Variants in TMCO5A observed in about 807,000 individuals in gnomAD.
TMCO5A encodes transmembrane and coiled-coil domain-containing protein 5A.
TMCO5A carries 34 observed loss-of-function variants against 42.3 expected under a neutral mutation model. The ratio of observed to expected loss-of-function variants is 0.80; its 90% CI spans 0.61 to 1.07. The LOEUF (loss-of-function observed/expected upper bound fraction) is 1.07. Among genes scored for constraint, TMCO5A ranks in the 50% least tolerant of loss-of-function variants. TMCO5A has a pLI of 0.00. For synonymous variants in TMCO5A, 131 were observed against 115.6 expected (o/e 1.13, Z -0.86); for missense variants, 357 against 327.9 (o/e 1.09, Z -0.69).
chr15:38,029,613 C>A, the TMCO5A span, among the ~76,000 whole-genome samples: 1 of 152,130 alleles, frequency 6.6e-6, no homozygotes. Flanking sequence ...GCATGCACTA[C>A]CATCCTTGGC....
intron 6 of TMCO5A, 127 bp from the exon 7 acceptor site, chr15:37,941,022 T>C (rs1021796): frequency 0.49 from 368,901 of 752,678 alleles, 92,782 homozygotes; most frequent in Admixed American, 0.59. Flanking sequence ...TTAATTCCTC[T>C]ATCAGGAGAC....
chr15:38,024,841 A>G, the TMCO5A span: 152,260 of 152,362 alleles, frequency 1, 76,079 homozygotes, highest in Middle Eastern at 1. Context: ...ACACTGCAAC[A>G]CACAGGCTGT....
At chr15:37,947,725 C>G (rs566306732) in intron 11 of TMCO5A, 29 bp downstream of exon 11, 1 of 1,522,850 alleles carries the variant, frequency 6.6e-7, no homozygotes, top group South Asian at 1.2e-5. Context: ...GGTAAACTTC[C>G]TATAAAATTG....
chr15:37,983,717 CTGTTTTTTTTTT>C, the TMCO5A span, among the ~76,000 whole-genome samples: 6 of 134,960 alleles, frequency 4.4e-5, no homozygotes, highest in Non-Finnish European at 7.4e-5. Flanking sequence ...TTTCTTTTTA[CTGTTTTTTTTTT>C]TGTTTTTTTT....
At chr15:38,017,743 G>T in the TMCO5A span, among the ~76,000 whole-genome samples, 4 of 152,160 alleles carry the variant, frequency 2.6e-5, no homozygotes, top group South Asian at 2.1e-4. Flanking sequence ...CATCTGAAAA[G>T]CAAGGAGGCC....
At chr15:37,990,638 C>T in the TMCO5A span, among the ~76,000 whole-genome samples, 682 of 152,000 alleles carry the variant, frequency 4.5e-3, 7 homozygotes, top group African/African-American at 0.016. Flanking sequence ...TTACTGATAA[C>T]GATAAACTGA....
chr15:38,032,083 G>A, the TMCO5A span, among the ~76,000 whole-genome samples: 3 of 151,994 alleles, frequency 2.0e-5, no homozygotes, highest in Non-Finnish European at 2.9e-5. Flanking sequence ...AGCTTCCCGA[G>A]TAGCTGGGAT....
intron 6 of TMCO5A, among the ~76,000 whole-genome samples, chr15:37,940,032 G>A (rs1889676497): frequency 6.6e-6 from 1 of 152,040 alleles, no homozygotes; most frequent in Admixed American, 6.6e-5. Context: ...TACCACTTCT[G>A]TTACTACTAT....
At chr15:38,034,102 A>G in the TMCO5A span, among the ~76,000 whole-genome samples, 1 of 152,332 alleles carries the variant, frequency 6.6e-6, no homozygotes, top group South Asian at 2.1e-4. Flanking sequence ...TTGTTGCTGC[A>G]TATTCCAGAG....
At chr15:37,938,054 C>T in intron 5 of TMCO5A, 104 bp from the exon 6 acceptor site, 1 of 918,220 alleles carries the variant, frequency 1.1e-6, no homozygotes, top group Non-Finnish European at 1.7e-6. Flanking sequence ...GGACCATATC[C>T]TGGAAAGGTT....
chr15:37,984,710 T>G, the TMCO5A span: 1 of 137,480 alleles, frequency 7.3e-6, no homozygotes, highest in African/African-American at 3.2e-5. Flanking sequence ...TTTTTTTTTT[T>G]GCCTTTCCAC....
At chr15:37,947,569 A>G (rs561081959) in intron 10 of TMCO5A, 87 bp from the exon 11 acceptor site, 47 of 873,984 alleles carry the variant, frequency 5.4e-5, no homozygotes, top group Admixed American at 1.1e-4. Context: ...TCTAAATAAC[A>G]TATAACTAAT....
At chr15:37,982,473 A>ATTT in the TMCO5A span, among the ~76,000 whole-genome samples, 1 of 133,978 alleles carries the variant, frequency 7.5e-6, no homozygotes, top group Non-Finnish European at 1.5e-5. Context: ...TATAATAGAT[A>ATTT]TTTTATGTAT....
the TMCO5A span, among the ~76,000 whole-genome samples, chr15:37,975,064 T>C: frequency 2.0e-5 from 3 of 152,198 alleles, no homozygotes; most frequent in East Asian, 5.8e-4. Flanking sequence ...GGAGTTTTCT[T>C]GGTATTGATT....
At chr15:37,996,960 A>G in the TMCO5A span, among the ~76,000 whole-genome samples, 26 of 152,368 alleles carry the variant, frequency 1.7e-4, no homozygotes, top group Non-Finnish European at 3.4e-4. Flanking sequence ...ATCTTAAAAC[A>G]TACATTCTAA....
intron 3 of TMCO5A, 105 bp downstream of exon 3, chr15:37,936,568 G>C: frequency 7.3e-7 from 1 of 1,378,092 alleles, no homozygotes; most frequent in Non-Finnish European, 9.8e-7. Flanking sequence ...TCTACCTTGT[G>C]TGGCAAAAAG....
At chr15:37,966,504 C>T (rs1890560059) in intron 11 of TMCO5A, 6 of 691,462 alleles carry the variant, frequency 8.7e-6, no homozygotes, top group Middle Eastern at 2.3e-4. Context: ...ATATACACAC[C>T]TACTATGTAC....
the TMCO5A span, among the ~76,000 whole-genome samples, chr15:37,989,649 G>A: frequency 6.6e-6 from 1 of 151,966 alleles, no homozygotes; most frequent in African/African-American, 2.4e-5. Context: ...TATAGTTAGG[G>A]AAGAGGATCT....
intron 6 of TMCO5A, among the ~76,000 whole-genome samples, chr15:37,940,723 G>A (rs1009427331): frequency 1.3e-5 from 2 of 152,146 alleles, no homozygotes; most frequent in Admixed American, 6.5e-5. Flanking sequence ...CATAGCAGCT[G>A]ATATAGAATG....
Sources: gnomAD v4.1 joint callset for allele counts (sites outside exome capture counted in the v4.1 genomes callset) on GRCh38, gnomAD v4.1.1 for gene constraint, MANE v1.5 for transcripts, NCBI Gene and HGNC (gene_info 2026-07-23, HGNC 2026-07-21) for gene names.